The following CLSTN2 variants were observed in gnomAD, a reference collection of about 807,000 sequenced individuals.
CLSTN2 encodes the protein calsyntenin-2.
CLSTN2 carries 48 observed loss-of-function variants against 101.2 expected under a neutral mutation model. The ratio of observed to expected loss-of-function variants is 0.47; its 90% confidence interval spans 0.38 to 0.60. The LOEUF is 0.60. CLSTN2 is among the 20% of genes least tolerant of loss of function. The pLI is 0.00. For synonymous variants in CLSTN2, 481 were observed against 463.6 expected (o/e 1.04, Z -0.48); for missense variants, 1,160 against 1,238.2 (o/e 0.94, Z 0.95).
intron 2 of CLSTN2, among the ~76,000 whole-genome samples, chr3:140,381,392 C>T (rs2087981726): frequency 6.6e-6 from 1 of 152,184 alleles, no homozygotes. Flanking sequence ...ACACATAATA[C>T]ACCCATAACA....
intron 2 of CLSTN2, among the ~76,000 whole-genome samples, chr3:140,355,572 G>A (rs2087661674): frequency 6.6e-6 from 1 of 152,222 alleles, no homozygotes; most frequent in Admixed American, 6.5e-5. Flanking sequence ...GGGATGAAGG[G>A]TTAGTGTGGA....
chr3:140,357,795 A>T (rs1432841801), intron 2 of CLSTN2, among the ~76,000 whole-genome samples: 4 of 152,180 alleles, frequency 2.6e-5, no homozygotes, highest in Non-Finnish European at 5.9e-5. Flanking sequence ...CATCTTCAGC[A>T]TGGCCCAGGG....
intron 2 of CLSTN2, among the ~76,000 whole-genome samples, chr3:140,348,001 T>TGATTATCACTTGGAAAGTTAGC (rs2087566306): frequency 6.6e-6 from 1 of 152,208 alleles, no homozygotes; most frequent in African/African-American, 2.4e-5. Context: ...GGAATGTTAT[T>TGATTATCACTTGGAAAGTTAGC]GATTATCACT....
intron 1 of CLSTN2, among the ~76,000 whole-genome samples, chr3:140,168,406 G>C (rs1317269696): frequency 6.6e-6 from 1 of 151,946 alleles, no homozygotes; most frequent in Non-Finnish European, 1.5e-5. Flanking sequence ...TATATATTTT[G>C]GATACAAGAC....
chr3:139,944,144 A>G (rs1478598229), intron 1 of CLSTN2, among the ~76,000 whole-genome samples: 1 of 152,188 alleles, frequency 6.6e-6, no homozygotes, highest in African/African-American at 2.4e-5. Context: ...CTGACCACCA[A>G]GTGAGATGTG....
chr3:140,138,378 G>A (rs546001461), intron 1 of CLSTN2, among the ~76,000 whole-genome samples: 46 of 152,150 alleles, frequency 3.0e-4, no homozygotes, highest in African/African-American at 1.0e-3. Context: ...CTGAACCAGG[G>A]CCAGCAAAGT....
chr3:140,382,075 AG>A (rs1181629351), intron 2 of CLSTN2, among the ~76,000 whole-genome samples: 1 of 152,088 alleles, frequency 6.6e-6, no homozygotes. Flanking sequence ...TGCAGTGTGT[AG>A]GTACCCTCCA....
chr3:139,979,000 T>C (rs569053851), intron 1 of CLSTN2, among the ~76,000 whole-genome samples: 6 of 152,242 alleles, frequency 3.9e-5, no homozygotes, highest in Non-Finnish European at 5.9e-5. Context: ...TAATTATTCA[T>C]TTTTTTAAGT....
chr3:140,428,499 C>T (rs966608999), intron 5 of CLSTN2, among the ~76,000 whole-genome samples: 1 of 152,094 alleles, frequency 6.6e-6, no homozygotes, highest in Non-Finnish European at 1.5e-5. Flanking sequence ...GCTGACTGGA[C>T]TTCCAGCTTT....
intron 1 of CLSTN2, among the ~76,000 whole-genome samples, chr3:140,044,732 A>T (rs1461479763): frequency 1.3e-5 from 2 of 152,222 alleles, no homozygotes; most frequent in Non-Finnish European, 2.9e-5. Flanking sequence ...GAGAGTTTTT[A>T]GCATGAATTG....
At chr3:140,071,840 TAAATAAATA>T (rs1205593609) in intron 1 of CLSTN2, among the ~76,000 whole-genome samples, 2 of 150,848 alleles carry the variant, frequency 1.3e-5, no homozygotes, top group African/African-American at 4.9e-5. Context: ...AAAAAATAAA[TAAATAAATA>T]AATAAATAAA....
intron 2 of CLSTN2, among the ~76,000 whole-genome samples, chr3:140,377,142 C>A (rs1452783142): frequency 6.6e-6 from 1 of 152,000 alleles, no homozygotes; most frequent in East Asian, 1.9e-4. Context: ...TAAAAAATTC[C>A]TATTGCCTGC....
chr3:140,290,612 C>A (rs2086938178), intron 2 of CLSTN2, among the ~76,000 whole-genome samples: 1 of 152,210 alleles, frequency 6.6e-6, no homozygotes, highest in South Asian at 2.1e-4. Flanking sequence ...AATTACAATA[C>A]AACCTACAAG....
chr3:140,394,149 C>A (rs2088153124), intron 2 of CLSTN2, among the ~76,000 whole-genome samples: 1 of 152,194 alleles, frequency 6.6e-6, no homozygotes, highest in Non-Finnish European at 1.5e-5. Context: ...TCATTCAACC[C>A]ACTCCCTGAC....
At chr3:140,003,540 G>T (rs576766651) in intron 1 of CLSTN2, among the ~76,000 whole-genome samples, 73 of 152,072 alleles carry the variant, frequency 4.8e-4, no homozygotes, top group African/African-American at 1.7e-3. Flanking sequence ...TTTTCTGATT[G>T]CTCCAGCTAG....
At chr3:140,260,971 C>T (rs1049514957) in intron 2 of CLSTN2, among the ~76,000 whole-genome samples, 12 of 152,206 alleles carry the variant, frequency 7.9e-5, no homozygotes, top group Admixed American at 4.6e-4. Flanking sequence ...GTGAGGTACC[C>T]CTTTTCATCA....
At chr3:139,992,520 T>G (rs1229003885) in intron 1 of CLSTN2, among the ~76,000 whole-genome samples, 1 of 152,192 alleles carries the variant, frequency 6.6e-6, no homozygotes, top group Non-Finnish European at 1.5e-5. Flanking sequence ...TCTAGTGCTA[T>G]TTTTCCTGTA....
At chr3:140,417,699 A>G (rs557570069) in intron 4 of CLSTN2, among the ~76,000 whole-genome samples, 1 of 152,344 alleles carries the variant, frequency 6.6e-6, no homozygotes, top group East Asian at 1.9e-4. Context: ...CCGTGATAGA[A>G]AAATCATTCA....
At chr3:140,272,948 G>A (rs2086756437) in intron 2 of CLSTN2, among the ~76,000 whole-genome samples, 1 of 152,002 alleles carries the variant, frequency 6.6e-6, no homozygotes, top group African/African-American at 2.4e-5. Flanking sequence ...ATTATTTTGG[G>A]TTTCAGATTC....
Sources: gnomAD v4.1 joint callset for allele counts (sites outside exome capture counted in the v4.1 genomes callset) on GRCh38, gnomAD v4.1.1 for gene constraint, MANE v1.5 for transcripts, NCBI Gene and HGNC (gene_info 2026-07-23, HGNC 2026-07-21) for gene names.